SPEF2: variants seen among roughly 807,000 people sequenced by gnomAD.
The protein encoded by SPEF2 is sperm flagella and cilia-associated protein 2.
SPEF2 carries 187 observed loss-of-function variants against 224.6 expected under a neutral mutation model. The observed-to-expected ratio is 0.83, with a 90% CI of 0.74 to 0.94. SPEF2 has a LOEUF of 0.94. SPEF2 is among the 40% of genes least tolerant of loss of function. The pLI, the probability that SPEF2 is intolerant of heterozygous loss-of-function variation, is 0.00. For synonymous variants in SPEF2, 715 were observed against 707.3 expected, an observed-to-expected ratio of 1.01 and a Z score of -0.17; for missense variants, 2,170 against 2,135.6, an observed-to-expected ratio of 1.02 and a Z score of -0.32.
chr5:35,669,852 C>T (rs1283743704), intron 9 of SPEF2, among the ~76,000 whole-genome samples: 1 of 151,946 alleles, frequency 6.6e-6, no homozygotes, highest in Non-Finnish European at 1.5e-5. Flanking sequence ...AGTAGGTTTA[C>T]ATTTTGTAAA....
At chr5:35,808,761 T>C (rs1399288838) in intron 36 of SPEF2, among the ~76,000 whole-genome samples, 1 of 147,942 alleles carries the variant, frequency 6.8e-6, no homozygotes, top group Non-Finnish European at 1.5e-5. Flanking sequence ...TATTTATATG[T>C]ATATATATAC....
At chr5:35,731,339 T>C (rs77373057) in intron 21 of SPEF2, among the ~76,000 whole-genome samples, 7,120 of 152,242 alleles carry the variant, frequency 0.047, 189 homozygotes, top group Non-Finnish European at 0.052. Context: ...AGTTAAGAAA[T>C]ATTTTTATAA....
Position 35,727,743 on chromosome 5 carries a change from A to G in SPEF2, c.2983A>G (p.Thr995Ala), listed in dbSNP as rs755017738. Residue 995 changes from threonine (T) to alanine (A), a missense_variant, in exon 21 of 37, where the codon ACA becomes GCA. By Grantham distance (58) the Thr-to-Ala change is moderately conservative (BLOSUM62 0). Coordinates refer to ENST00000356031, the MANE Select transcript of SPEF2 (RefSeq NM_024867.4). ...VKKSPADSTD[T>A]SPVAIVPQPP... ...GAAATCACCTGCTGACTCTACAGAT[A>G]CATCACCTGTTGCAATAGTGCCACA... is the stretch of plus-strand genomic sequence containing the variant. 6.2e-7 allele frequency: 1 copy of G among 1,613,946 alleles called. No homozygotes were observed. The highest frequency in any genetic ancestry group is 8.5e-7 in the Non-Finnish European group (1 of 1,179,818).
intron 23 of SPEF2, among the ~76,000 whole-genome samples, chr5:35,748,617 A>T (rs1286851150): frequency 6.6e-6 from 1 of 152,190 alleles, no homozygotes; most frequent in Non-Finnish European, 1.5e-5. Flanking sequence ...TCCTAGCTTA[A>T]ATCAAGAAGA....
At chr5:35,699,309 T>G (rs2149556891) in intron 15 of SPEF2, 1 of 152,296 alleles carries the variant, frequency 6.6e-6, no homozygotes, top group South Asian at 2.1e-4. Context: ...AAAACACAAT[T>G]TTGCATAATT....
At position 35,657,493 on chromosome 5, in the gene SPEF2, G is replaced by A. The variant is rs933307163; in HGVS notation, c.979-1526G>A. On this transcript the variant is annotated intron_variant, in intron 7 of 36. Coordinates refer to ENST00000356031, the MANE Select transcript of SPEF2 (RefSeq NM_024867.4). Reference sequence around the variant, plus strand: ...TCACTGGGTATGGAATGGAATCGGGGGGGTGGTTTAAAAACATACCTAGGA... The same window carrying A: ...TCACTGGGTATGGAATGGAATCGGGAGGGTGGTTTAAAAACATACCTAGGA... 9.9e-5 allele frequency among the ~76,000 whole-genome samples: 15 copies of A among 151,996 alleles called. 1 individual carries two copies. Among genetic ancestry groups the A allele is most frequent in the Admixed American group, 5.2e-4 (8 of 15,264 alleles).
chr5:35,801,803 G>A (rs1263311009), intron 34 of SPEF2, among the ~76,000 whole-genome samples: 1 of 152,132 alleles, frequency 6.6e-6, no homozygotes, highest in Non-Finnish European at 1.5e-5. Flanking sequence ...CTTGAGATCT[G>A]CTTCTCTCTA....
intron 20 of SPEF2, among the ~76,000 whole-genome samples, chr5:35,715,940 G>T (rs10072048): frequency 6.6e-6 from 1 of 151,186 alleles, no homozygotes; most frequent in Non-Finnish European, 1.5e-5. Flanking sequence ...CATATTGAAG[G>T]TGCTGTAGCA....
intron 10 of SPEF2, among the ~76,000 whole-genome samples, chr5:35,677,986 G>T (rs1165431183): frequency 6.6e-6 from 1 of 152,240 alleles, no homozygotes; most frequent in African/African-American, 2.4e-5. Flanking sequence ...GGATTGCATT[G>T]TGAGGTGCCA....
At chr5:35,635,191 C>A (rs1391491954) in intron 2 of SPEF2, among the ~76,000 whole-genome samples, 4 of 152,010 alleles carry the variant, frequency 2.6e-5, no homozygotes, top group African/African-American at 9.6e-5. Context: ...AGATTCTTTC[C>A]TCTGCCAACT....
intron 8 of SPEF2, among the ~76,000 whole-genome samples, chr5:35,664,866 TTG>T (rs1750257155): frequency 1.3e-5 from 2 of 150,774 alleles, no homozygotes; most frequent in Admixed American, 6.6e-5. Flanking sequence ...GAGGAGAACT[TTG>T]TGTTTTTCTT....
intron 5 of SPEF2, among the ~76,000 whole-genome samples, chr5:35,647,849 T>G (rs1747618823): frequency 6.6e-6 from 1 of 151,948 alleles, no homozygotes; most frequent in African/African-American, 2.4e-5. Flanking sequence ...CCAGTGACAT[T>G]TTACTGGACC....
chr5:35,800,321 G>A (rs895371187), intron 34 of SPEF2, among the ~76,000 whole-genome samples, 174 bp downstream of exon 34: 1 of 151,970 alleles, frequency 6.6e-6, no homozygotes, highest in Non-Finnish European at 1.5e-5. Context: ...ATTAAGACCT[G>A]GGGACCCAAT....
chr5:35,670,280 TA>T, intron 10 of SPEF2, 53 bp downstream of exon 10: 1 of 1,522,998 alleles, frequency 6.6e-7, no homozygotes, highest in Non-Finnish European at 8.8e-7. Context: ...CCTTTTTCTT[TA>T]ACATTAATTT....
intron 10 of SPEF2, among the ~76,000 whole-genome samples, chr5:35,671,927 A>C (rs1580206026): frequency 6.6e-6 from 1 of 152,094 alleles, no homozygotes; most frequent in East Asian, 1.9e-4. Flanking sequence ...CGACACCATA[A>C]TGGAAAATAT....
intron 1 of SPEF2, among the ~76,000 whole-genome samples, chr5:35,620,023 C>A (rs916083565): frequency 6.6e-6 from 1 of 151,998 alleles, no homozygotes; most frequent in Non-Finnish European, 1.5e-5. Flanking sequence ...CATTCACTAG[C>A]AAAACGTATT....
intron 10 of SPEF2, among the ~76,000 whole-genome samples, chr5:35,672,128 C>A (rs2149482968): frequency 6.6e-6 from 1 of 150,956 alleles, no homozygotes; most frequent in Admixed American, 6.6e-5. Flanking sequence ...TGCATCCTGG[C>A]TTATCTAAAA....
chr5:35,719,959 T>C (rs1743315070), intron 20 of SPEF2, among the ~76,000 whole-genome samples: 1 of 152,162 alleles, frequency 6.6e-6, no homozygotes, highest in African/African-American at 2.4e-5. Flanking sequence ...TCAGGAACCC[T>C]GTACAAGGAC....
intron 20 of SPEF2, 91 bp downstream of exon 20, chr5:35,712,977 A>AAATC: frequency 1.8e-6 from 2 of 1,125,000 alleles, no homozygotes; most frequent in Non-Finnish European, 2.5e-6. Context: ...AGTAGTATAC[A>AAATC]TTGACCACTT....
Sources: allele counts gnomAD v4.1 joint callset (sites outside exome capture counted in the v4.1 genomes callset), GRCh38; gene constraint gnomAD v4.1.1; transcripts MANE v1.5; gene names NCBI Gene and HGNC (gene_info 2026-07-23, HGNC 2026-07-21).